Variants in OTUD5 observed in about 807,000 individuals in gnomAD.
OTUD5 encodes OTU domain-containing protein 5.
OTUD5 carries 2 observed loss-of-function variants against 36.3 expected under a neutral mutation model. The ratio of observed to expected loss-of-function variants is 0.06; its 90% CI spans 0.02 to 0.17. The LOEUF (loss-of-function observed/expected upper bound fraction) is 0.17, where lower values mean the gene tolerates loss of function less well. Among genes scored for constraint, OTUD5 ranks in the 10% least tolerant of loss-of-function variants. The pLI is 1.00. For synonymous variants in OTUD5, 234 were observed against 214.9 expected (o/e 1.09, Z -0.78); for missense variants, 233 against 512.3 (o/e 0.45, Z 5.26).
At chrX:48,957,648 A>AGT (rs2064277007), upstream of OTUD5, 1 of 787,889 alleles carries the variant, frequency 1.3e-6, no homozygotes, top group East Asian at 1.2e-4. Context: ...GGGCTAGTGT[A>AGT]GTGCGCGAGG....
intron 8 of OTUD5, 131 bp downstream of exon 8, chrX:48,923,502 T>C (rs1008922545): frequency 3.4e-6 from 2 of 579,830 alleles, no homozygotes; most frequent in African/African-American, 4.6e-5. Flanking sequence ...AAAAATCCCC[T>C]CCAGTGCCTC....
intron 8 of OTUD5, 66 bp downstream of exon 8, chrX:48,923,567 T>C: frequency 7.2e-6 from 6 of 831,872 alleles, no homozygotes; most frequent in Non-Finnish European, 1.1e-5. Flanking sequence ...CTCTCAGGAC[T>C]TGCCACTTCT....
At chrX:48,935,177 G>T (rs1410037154) in intron 2 of OTUD5, among the ~76,000 whole-genome samples, 159 bp from the exon 3 acceptor site, 1 of 112,158 alleles carries the variant, frequency 8.9e-6, no homozygotes, top group African/African-American at 3.2e-5. Context: ...CTAGAACGGG[G>T]TCATGGAAAA....
intron 6 of OTUD5, among the ~76,000 whole-genome samples, chrX:48,925,271 C>G (rs1602365985): frequency 1.8e-5 from 1 of 55,739 alleles, no homozygotes; most frequent in East Asian, 6.3e-4. Flanking sequence ...GAGCAAGACT[C>G]TGTCTCCAAA....
intron 1 of OTUD5, among the ~76,000 whole-genome samples, chrX:48,945,203 G>A (rs1208012476): frequency 1.0e-4 from 11 of 107,357 alleles, no homozygotes; most frequent in Admixed American, 8.1e-4. Flanking sequence ...TGTTATCAGC[G>A]ATTTTATTGC....
At position 48,957,526 on chromosome X, in the gene OTUD5, G is replaced by A. The variant is rs2064273147; in HGVS notation, c.45C>T (p.Asp15=). 1.7e-5 allele frequency: 14 copies of A among 831,208 alleles called. No individual in the cohort carries two copies. The highest frequency in any genetic ancestry group is 2.1e-5 in the Non-Finnish European group (14 of 680,817). The allele number at this position is 831,208 out of a possible 1,213,427, so 68.5% of individuals were successfully genotyped here. A position where few individuals can be genotyped will look rare whatever the true frequency, so the allele number is the denominator to read the frequency against. Residue 15 remains aspartate, a synonymous_variant, in exon 1 of 9, where the codon GAC becomes GAT. Coordinates refer to ENST00000376488, the MANE Select transcript of OTUD5 (RefSeq NM_001136157.2). The part of the protein sequence containing the change: ...PKKKPPPPDA[D]PANEPPPPGP... The stretch of plus-strand genomic sequence containing the variant: ...CGGGCGGCGGCGGCTCGTTGGCGGG[G>A]TCGGCGTCGGGAGGCGGCGGCTTCT...
At chrX:48,950,387 T>C (rs141055270) in intron 1 of OTUD5, among the ~76,000 whole-genome samples, 3 of 110,106 alleles carry the variant, frequency 2.7e-5, no homozygotes, top group Non-Finnish European at 3.8e-5. Context: ...CCAAGGAATG[T>C]TGGCAGCCAC....
intron 5 of OTUD5, among the ~76,000 whole-genome samples, chrX:48,930,790 A>C (rs1438467212): frequency 9.0e-6 from 1 of 110,643 alleles, no homozygotes; most frequent in East Asian, 2.8e-4. Flanking sequence ...GTGAAACCCC[A>C]TCTCTACTAA....
In OTUD5 at chrX:48,944,333, C is replaced by G. The variant is rs781836867; in HGVS notation, c.595-50G>C. 3.5e-6 allele frequency: 3 copies of G among 846,157 alleles called. No homozygotes were observed. In the South Asian group the frequency reaches 6.4e-5, roughly 18 times the overall value. 69.7% of individuals were successfully genotyped at this position (846,157 alleles called of 1,213,427 possible). On this transcript the variant is annotated intron_variant, in intron 1 of 8. Coordinates refer to ENST00000376488, the MANE Select transcript of OTUD5 (RefSeq NM_001136157.2). ...CAACAGGGAAAACCTGTACTCCCTCCCCAGGGCCCCGACCTCAAGCTCCCG... is the reference window on the plus strand; with the variant it reads ...CAACAGGGAAAACCTGTACTCCCTCGCCAGGGCCCCGACCTCAAGCTCCCG...
chrX:48,930,933 G>C (rs1368002528), intron 5 of OTUD5, among the ~76,000 whole-genome samples: 3 of 106,730 alleles, frequency 2.8e-5, no homozygotes, highest in Non-Finnish European at 5.8e-5. Flanking sequence ...TTACACTCCA[G>C]CCTGGGCAAC....
At chrX:48,931,337 C>G (rs1214874879) in intron 5 of OTUD5, among the ~76,000 whole-genome samples, 1 of 112,378 alleles carries the variant, frequency 8.9e-6, no homozygotes, top group Non-Finnish European at 1.9e-5. Context: ...ACCCACAACC[C>G]TAGTTTAAAC....
chrX:48,935,922 G>A (rs1267722321), intron 2 of OTUD5, among the ~76,000 whole-genome samples: 1 of 70,584 alleles, frequency 1.4e-5, no homozygotes, highest in Non-Finnish European at 2.5e-5. Context: ...CTGGGCGACA[G>A]AGTAAGACTC....
rs782549639 is a variant in OTUD5 at position 48,923,332 on chromosome X, C to T, written c.1580-37G>A. On this transcript the variant is annotated intron_variant, in intron 8 of 8. Coordinates refer to ENST00000376488, the MANE Select transcript of OTUD5 (RefSeq NM_001136157.2). ...GAGGAAGAGGAAAAGGATGATGGAG[C>T]GCTCTCAGCCTGCCTTCTCCTCACC... The T allele has an allele frequency of 1.8e-5, 19 of 1,084,789 alleles. No individual in the cohort carries two copies. In the East Asian group the frequency reaches 3.9e-4, roughly 22 times the overall value. 89.4% of individuals were successfully genotyped at this position (1,084,789 alleles called of 1,213,427 possible).
intron 1 of OTUD5, among the ~76,000 whole-genome samples, chrX:48,947,707 GAA>G (rs782359236): frequency 4.7e-5 from 4 of 84,352 alleles, no homozygotes; most frequent in African/African-American, 4.4e-5. Flanking sequence ...CTGTCTCAAG[GAA>G]AAAAAAAAAA....
intron 1 of OTUD5, among the ~76,000 whole-genome samples, chrX:48,945,065 GCAAA>G (rs1569515781): frequency 9.2e-6 from 1 of 108,807 alleles, no homozygotes; most frequent in Non-Finnish European, 1.9e-5. Context: ...GCAAAAGTGT[GCAAA>G]CAATGTTCTC....
chrX:48,925,632 G>A (rs2063654659), intron 6 of OTUD5, among the ~76,000 whole-genome samples: 1 of 112,770 alleles, frequency 8.9e-6, no homozygotes. Flanking sequence ...CAGCATGGCT[G>A]CCCTCCTCTC....
At position 48,922,885 on chromosome X, in the gene OTUD5, A is replaced by C; in HGVS notation, c.*289T>G. On this transcript the variant is annotated 3_prime_UTR_variant, in exon 9 of 9. Transcript: ENST00000376488. ...GTCTGTCTCTGTGTGCCTCTTGTCT[A>C]TCTTCGGCACCCTTGCCCGAGTCCC... The C allele has an allele frequency of 1.1e-6, 1 of 922,202 alleles. No homozygotes were observed. The highest frequency in any genetic ancestry group is 1.3e-6 in the Non-Finnish European group (1 of 742,142). The allele number at this position is 922,202 out of a possible 1,213,427, so 76.0% of individuals were successfully genotyped here.
At chrX:48,946,100 AT>A (rs1373168846) in intron 1 of OTUD5, among the ~76,000 whole-genome samples, 4 of 111,088 alleles carry the variant, frequency 3.6e-5, no homozygotes, top group African/African-American at 1.3e-4. Context: ...CCGTAAGGCC[AT>A]TTTTCCCCAG....
chrX:48,929,830 G>A (rs191909421), intron 5 of OTUD5, among the ~76,000 whole-genome samples: 1,711 of 111,479 alleles, frequency 0.015, 14 homozygotes, highest in Non-Finnish European at 0.024. Context: ...TTGGCCGGGC[G>A]CGGTGGCTCA....
Sources: gnomAD v4.1 joint callset for allele counts (sites outside exome capture counted in the v4.1 genomes callset) on GRCh38, gnomAD v4.1.1 for gene constraint, MANE v1.5 for transcripts, NCBI Gene and HGNC (gene_info 2026-07-23, HGNC 2026-07-21) for gene names.